The following CSGALNACT1 variants were observed in gnomAD, a reference collection of about 807,000 sequenced individuals.
The protein encoded by CSGALNACT1 is beta4GalNAcT-1.
A neutral mutation model predicts 51.0 loss-of-function variants in CSGALNACT1; 52 were observed. That is an observed-to-expected ratio of 1.02 (90% confidence interval 0.82 to 1.29). The LOEUF (loss-of-function observed/expected upper bound fraction) is 1.29. Among genes scored for constraint, CSGALNACT1 ranks in the 50% most tolerant of loss-of-function variants. The pLI, the probability that CSGALNACT1 is intolerant of heterozygous loss-of-function variation, is 0.00. For synonymous variants in CSGALNACT1, 341 were observed against 254.4 expected (o/e 1.34, Z -3.24); for missense variants, 935 against 679.2 (o/e 1.38, Z -4.19).
At chr8:19,545,098 C>G (rs183025991) in intron 3 of CSGALNACT1, among the ~76,000 whole-genome samples, 1 of 152,084 alleles carries the variant, frequency 6.6e-6, no homozygotes, top group African/African-American at 2.4e-5. Context: ...AGTGAAGTCA[C>G]TCCATGTCAC....
At chr8:19,620,552 C>T (rs756988359) in intron 1 of CSGALNACT1, among the ~76,000 whole-genome samples, 13 of 151,914 alleles carry the variant, frequency 8.6e-5, no homozygotes, top group African/African-American at 1.9e-4. Context: ...CCCACCTCAG[C>T]CACCTGAGGA....
Position 19,627,505 on chromosome 8 carries a change from C to T in CSGALNACT1, c.-543-25640G>A, listed in dbSNP as rs10098690. On this transcript the variant is annotated intron_variant, in intron 1 of 9. Transcript: ENST00000332246. The stretch of plus-strand genomic sequence containing the variant: ...AGAGAGGTAATAACATTTCATAAAA[C>T]TATACACACACACAAACACAAAAAA... Among the ~76,000 whole-genome samples the T allele has an allele frequency of 8.5e-3, 1,297 of 152,064 alleles. 23 individuals carry two copies. The highest frequency in any genetic ancestry group is 0.03 in the African/African-American group (1,233 of 41,460).
intron 1 of CSGALNACT1, among the ~76,000 whole-genome samples, chr8:19,715,536 T>A (rs1003101603): frequency 6.6e-6 from 1 of 152,208 alleles, no homozygotes; most frequent in African/African-American, 2.4e-5. Flanking sequence ...CTGTTGATGG[T>A]CATCTGGGTT....
chr8:19,563,739 A>G (rs909086250), intron 3 of CSGALNACT1, among the ~76,000 whole-genome samples: 6 of 152,150 alleles, frequency 3.9e-5, no homozygotes, highest in Non-Finnish European at 8.8e-5. Flanking sequence ...CAGCGGATCC[A>G]GCCTCCTAAC....
intron 8 of CSGALNACT1, among the ~76,000 whole-genome samples, chr8:19,409,104 C>T (rs1333489407): frequency 1.3e-5 from 2 of 152,096 alleles, no homozygotes; most frequent in Non-Finnish European, 1.5e-5. Flanking sequence ...GCCTGGGCAG[C>T]GAGCCAGCAA....
upstream of CSGALNACT1, among the ~76,000 whole-genome samples, chr8:19,603,678 C>G (rs1281073735): frequency 6.6e-6 from 1 of 152,210 alleles, no homozygotes; most frequent in Non-Finnish European, 1.5e-5. Context: ...TTCCCAACCA[C>G]TTAAATTTTC....
At chr8:19,536,481 G>A (rs2083779063) in intron 3 of CSGALNACT1, among the ~76,000 whole-genome samples, 1 of 152,096 alleles carries the variant, frequency 6.6e-6, no homozygotes, top group South Asian at 2.1e-4. Flanking sequence ...CATGCCTTAT[G>A]TGCTGAAAAC....
At chr8:19,639,546 C>T (rs2056500743) in intron 1 of CSGALNACT1, among the ~76,000 whole-genome samples, 1 of 152,150 alleles carries the variant, frequency 6.6e-6, no homozygotes, top group East Asian at 1.9e-4. Flanking sequence ...TTGGTCAGGG[C>T]ACATAGTTCC....
Position 19,667,060 on chromosome 8 carries a change from A to G in CSGALNACT1, c.-544+15413T>C, listed in dbSNP as rs1160259759. 7.3e-3 allele frequency among the ~76,000 whole-genome samples: 871 copies of G among 118,798 alleles called. 67 individuals carry two copies. Among genetic ancestry groups the G allele is most frequent in the African/African-American group, 0.017 (528 of 31,456 alleles). The allele number at this position is 118,798 out of a possible 152,430, so 77.9% of individuals were successfully genotyped here. On this transcript the variant is annotated intron_variant, in intron 1 of 9. Coordinates refer to the CSGALNACT1 transcript ENST00000332246. ...GGAAGGAAGAAAGAAAGAAAGAAAG[A>G]AAGAAAGAAAGAAAGAAAGAAAGAA... is the stretch of plus-strand genomic sequence containing the variant.
At chr8:19,590,274 G>A (rs1011009566) in intron 3 of CSGALNACT1, among the ~76,000 whole-genome samples, 4 of 152,200 alleles carry the variant, frequency 2.6e-5, no homozygotes, top group Non-Finnish European at 5.9e-5. Context: ...GGCATCAAAG[G>A]GAATTCACAG....
rs146830646 is a variant in CSGALNACT1, at chr8:19,629,706, C to G, written c.-543-27841G>C. 1.1e-3 allele frequency among the ~76,000 whole-genome samples: 173 copies of G among 152,272 alleles called. 1 individual carries two copies. The highest frequency in any genetic ancestry group is 4.0e-3 in the African/African-American group (165 of 41,544). Reference sequence around the variant, plus strand: ...TTTCCAGCTGTAAAAGTACCTATGCCTCAAAATGCTACTAACCTGATTTGA... The same window carrying G: ...TTTCCAGCTGTAAAAGTACCTATGCGTCAAAATGCTACTAACCTGATTTGA... On this transcript the variant is annotated intron_variant, in intron 1 of 9. Coordinates refer to the CSGALNACT1 transcript ENST00000332246.
chr8:19,513,202 A>G (rs1020739086), intron 3 of CSGALNACT1, among the ~76,000 whole-genome samples: 9 of 152,028 alleles, frequency 5.9e-5, no homozygotes, highest in Non-Finnish European at 1.3e-4. Context: ...ACCATGCACT[A>G]GACACTGAAT....
chr8:19,456,527 A>C (rs547042971), intron 5 of CSGALNACT1, among the ~76,000 whole-genome samples: 1 of 152,362 alleles, frequency 6.6e-6, no homozygotes, highest in East Asian at 1.9e-4. Flanking sequence ...CCGCAGGTTC[A>C]GTCATTCTGG....
At chr8:19,655,331 A>G (rs1196458491) in intron 1 of CSGALNACT1, among the ~76,000 whole-genome samples, 1 of 152,096 alleles carries the variant, frequency 6.6e-6, no homozygotes, top group African/African-American at 2.4e-5. Flanking sequence ...TCAACTATAC[A>G]GTCACGATGC....
chr8:19,635,065 T>C (rs1396539401), intron 1 of CSGALNACT1, among the ~76,000 whole-genome samples: 1 of 152,202 alleles, frequency 6.6e-6, no homozygotes, highest in Non-Finnish European at 1.5e-5. Context: ...TTCTAAATGA[T>C]TGTGTAATTA....
intron 1 of CSGALNACT1, among the ~76,000 whole-genome samples, chr8:19,737,885 G>C (rs889189919): frequency 1.3e-5 from 2 of 152,210 alleles, no homozygotes; most frequent in African/African-American, 4.8e-5. Context: ...CAGGGGCTAG[G>C]AGATGGATAA....
chr8:19,594,538 C>T (rs1389988202), intron 2 of CSGALNACT1, among the ~76,000 whole-genome samples: 1 of 152,116 alleles, frequency 6.6e-6, no homozygotes, highest in African/African-American at 2.4e-5. Flanking sequence ...AGCTAGTCCA[C>T]ACCCAGGCAC....
intron 1 of CSGALNACT1, among the ~76,000 whole-genome samples, chr8:19,733,245 T>C (rs1167640453): frequency 3.9e-5 from 6 of 152,172 alleles, no homozygotes; most frequent in African/African-American, 1.4e-4. Flanking sequence ...TAAAATCCCA[T>C]CCCTATATTC....
chr8:19,612,375 C>G (rs905757300), intron 1 of CSGALNACT1, among the ~76,000 whole-genome samples: 1 of 151,870 alleles, frequency 6.6e-6, no homozygotes, highest in Non-Finnish European at 1.5e-5. Context: ...AAAAAATTCT[C>G]CATGAACGTA....
Sources: allele counts gnomAD v4.1 joint callset (sites outside exome capture counted in the v4.1 genomes callset), GRCh38; gene constraint gnomAD v4.1.1; transcripts MANE v1.5; gene names NCBI Gene and HGNC (gene_info 2026-07-23, HGNC 2026-07-21).